Variants in SYNE1 observed in about 807,000 individuals in gnomAD.
SYNE1 encodes the protein spectrin repeat containing nuclear envelope protein 1.
SYNE1 carries 616 observed loss-of-function variants against 1,111.0 expected under a neutral mutation model. The ratio of observed to expected loss-of-function variants is 0.55; its 90% CI spans 0.52 to 0.59. The LOEUF is 0.59. Among genes scored for constraint, SYNE1 ranks in the 20% least tolerant of loss-of-function variants. The pLI, the probability that SYNE1 is intolerant of heterozygous loss-of-function variation, is 0.00. For synonymous variants in SYNE1, 3,855 were observed against 3,825.8 expected (o/e 1.01, Z -0.28); for missense variants, 10,006 against 10,417.0 (o/e 0.96, Z 1.72).
chr6:152,466,386 A>G (rs574921342), intron 16 of SYNE1, among the ~76,000 whole-genome samples: 17 of 152,314 alleles, frequency 1.1e-4, no homozygotes, highest in African/African-American at 3.6e-4. Flanking sequence ...ACATTTAGAA[A>G]GCACTAAATT....
chr6:152,136,504 C>G lies in SYNE1; in HGVS notation c.25659+114G>C, dbSNP rs985680049. On this transcript the variant is annotated intron_variant, in intron 141 of 145. Transcript: ENST00000367255. ...GGCACAAGGTTATCTCACTGAAATA[C>G]TGACTTTGGGGAGCAACTGCGTCCC... is the stretch of plus-strand genomic sequence containing the variant. 3.1e-6 allele frequency: 4 copies of G among 1,292,616 alleles called. No individual in the cohort carries two copies. In the East Asian group the frequency reaches 7.5e-5, roughly 24 times the overall value. The allele number at this position is 1,292,616 out of a possible 1,614,324, so 80.1% of individuals were successfully genotyped here. A position where few individuals can be genotyped will look rare whatever the true frequency, so the allele number is the denominator to read the frequency against.
At position 152,252,781 on chromosome 6, in the gene SYNE1, C is replaced by T. The variant is rs186458739; in HGVS notation, c.19470+2099G>A. Reference sequence around the variant, plus strand: ...AATGTCTTTTTGTTCGTGAGCTGGCCACCAACAAATAGAAACTTGTTGGCA... The same window carrying T: ...AATGTCTTTTTGTTCGTGAGCTGGCTACCAACAAATAGAAACTTGTTGGCA... On this transcript the variant is annotated intron_variant, in intron 104 of 145. Coordinates refer to ENST00000367255, the MANE Select transcript of SYNE1 (RefSeq NM_182961.4). 3.9e-5 allele frequency among the ~76,000 whole-genome samples: 6 copies of T among 152,158 alleles called. No individual in the cohort carries two copies. The East Asian group carries it at 1.2e-3, about 29-fold the overall frequency.
chr6:152,434,037 GA>G, intron 33 of SYNE1, 92 bp from the exon 34 acceptor site: 2 of 1,183,460 alleles, frequency 1.7e-6, no homozygotes, highest in Non-Finnish European at 2.4e-6. Context: ...AAGAGATAAT[GA>G]AGACATTTGT....
chr6:152,612,292 C>T (rs897546676), intron 3 of SYNE1, among the ~76,000 whole-genome samples: 9 of 151,792 alleles, frequency 5.9e-5, no homozygotes, highest in Admixed American at 1.3e-4. Flanking sequence ...CAAACAGATG[C>T]AATAAAAAAT....
chr6:152,534,635 G>C (rs940840368), intron 4 of SYNE1, among the ~76,000 whole-genome samples: 1 of 152,106 alleles, frequency 6.6e-6, no homozygotes, highest in South Asian at 2.1e-4. Flanking sequence ...ATTTGGGGGG[G>C]TGAATTATTG....
At chr6:152,475,085 TC>T (rs2098827303) in intron 14 of SYNE1, among the ~76,000 whole-genome samples, 3 of 152,190 alleles carry the variant, frequency 2.0e-5, no homozygotes, top group African/African-American at 4.8e-5. Flanking sequence ...AGAACTATCT[TC>T]TTTTTACAAA....
intron 11 of SYNE1, among the ~76,000 whole-genome samples, chr6:152,491,918 C>G (rs112276374): frequency 2.6e-5 from 4 of 152,070 alleles, no homozygotes; most frequent in African/African-American, 9.7e-5. Flanking sequence ...CCCTATAATC[C>G]TTCTATCACC....
intron 54 of SYNE1, among the ~76,000 whole-genome samples, chr6:152,386,771 A>C (rs544229130): frequency 6.0e-5 from 9 of 150,998 alleles, no homozygotes; most frequent in African/African-American, 2.2e-4. Context: ...TAACGGCGAC[A>C]TTTGATGTGC....
chr6:152,447,680 A>C, intron 28 of SYNE1, 58 bp from the exon 29 acceptor site: 1 of 1,607,008 alleles, frequency 6.2e-7, no homozygotes, highest in Non-Finnish European at 8.5e-7. Context: ...ATAACTTTCC[A>C]GCAATAAAGG....
intron 73 of SYNE1, among the ~76,000 whole-genome samples, chr6:152,346,797 G>A (rs1361558131): frequency 6.6e-6 from 1 of 152,126 alleles, no homozygotes; most frequent in Non-Finnish European, 1.5e-5. Flanking sequence ...GCGACAGAGT[G>A]AGACTCCGTC....
chr6:152,587,938 G>A (rs1361968078), intron 3 of SYNE1, among the ~76,000 whole-genome samples: 1 of 152,186 alleles, frequency 6.6e-6, no homozygotes, highest in African/African-American at 2.4e-5. Context: ...TTAAGTAAGA[G>A]GGACAGTCAC....
At chr6:152,281,261 TAAAGA>T (rs2094010056) in intron 97 of SYNE1, among the ~76,000 whole-genome samples, 1 of 152,196 alleles carries the variant, frequency 6.6e-6, no homozygotes, top group Non-Finnish European at 1.5e-5. Flanking sequence ...AGCATTAGAA[TAAAGA>T]CTTTAATGCA....
At position 152,389,895 on chromosome 6, in the gene SYNE1, C is replaced by T. The variant is rs370430078; in HGVS notation, c.8177+385G>A. On this transcript the variant is annotated intron_variant, in intron 53 of 145. Coordinates refer to ENST00000367255, the MANE Select transcript of SYNE1 (RefSeq NM_182961.4). Reference sequence around the variant, plus strand: ...GACTTCTAGTTGAGGAATAGATTTACGACTAAGCTCAACAGCTGCCAATAG... The same window carrying T: ...GACTTCTAGTTGAGGAATAGATTTATGACTAAGCTCAACAGCTGCCAATAG... Among the ~76,000 whole-genome samples the T allele has an allele frequency of 4.3e-4, 66 of 152,272 alleles. 1 individual carries two copies. Among genetic ancestry groups the T allele is most frequent in the African/African-American group, 1.4e-3 (57 of 41,542 alleles).
intron 97 of SYNE1, among the ~76,000 whole-genome samples, chr6:152,280,950 C>T (rs986036708): frequency 6.6e-6 from 1 of 151,646 alleles, no homozygotes; most frequent in Non-Finnish European, 1.5e-5. Context: ...AATGGTGTAC[C>T]GTAAATTAAG....
At chr6:152,239,464 T>A in intron 108 of SYNE1, 69 bp downstream of exon 108, 2 of 1,586,906 alleles carry the variant, frequency 1.3e-6, no homozygotes, top group Non-Finnish European at 1.7e-6. Flanking sequence ...GATAGATACA[T>A]CTTGCATTAA....
chr6:152,610,386 A>G (rs1423260771), intron 3 of SYNE1, among the ~76,000 whole-genome samples: 1 of 152,224 alleles, frequency 6.6e-6, no homozygotes. Context: ...AAGTGGAAGA[A>G]AGAGTATCAG....
At chr6:152,600,643 C>G (rs994116648) in intron 3 of SYNE1, among the ~76,000 whole-genome samples, 1 of 152,178 alleles carries the variant, frequency 6.6e-6, no homozygotes, top group Non-Finnish European at 1.5e-5. Flanking sequence ...TAATGACAAT[C>G]ATTTAGCTCC....
Position 152,462,845 on chromosome 6 carries a change from C to G in SYNE1, c.2143G>C (p.Asp715His). ...EMDRMKKEYT[D>H]CVVTLSAFAT... Reference sequence around the variant, plus strand: ...AAAGCAGACAGGGTAACAACACAGTCTGTGTATTCCTTCTTCATTCTGTCC... The same window carrying G: ...AAAGCAGACAGGGTAACAACACAGTGTGTGTATTCCTTCTTCATTCTGTCC... The change falls in exon 20 of 146, where the codon GAC (aspartate) becomes CAC (histidine). Residue 715 changes from aspartate (D) to histidine (H), a missense_variant. Asp to His is a moderately conservative substitution (Grantham distance 81). This residue lies in a region of SYNE1 where 1,971 missense variants were observed against 2,084.1 expected (regional missense o/e 0.95). Transcript: ENST00000367255. 6.2e-7 allele frequency: 1 copy of G among 1,613,962 alleles called. No homozygotes were observed. Among genetic ancestry groups the G allele is most frequent in the Non-Finnish European group, 8.5e-7 (1 of 1,179,940 alleles).
At chr6:152,449,496 G>C (rs777403995) in intron 28 of SYNE1, 37 bp downstream of exon 28, 145 of 1,463,952 alleles carry the variant, frequency 9.9e-5, no homozygotes, top group Non-Finnish European at 1.3e-4. Flanking sequence ...TCCACTATGA[G>C]AAATTTTCCT....
Sources: allele counts gnomAD v4.1 joint callset (sites outside exome capture counted in the v4.1 genomes callset), GRCh38; gene constraint gnomAD v4.1.1; regional missense constraint gnomAD v4.1.1; transcripts MANE v1.5; gene names NCBI Gene and HGNC (gene_info 2026-07-23, HGNC 2026-07-21).